Variants in BLM observed in about 807,000 individuals in gnomAD.
BLM encodes BLM RecQ like helicase.
In BLM, 95 loss-of-function variants were observed where a neutral mutation model predicts 135.3. The observed-to-expected ratio is 0.70, with a 90% CI of 0.59 to 0.83. BLM has a LOEUF of 0.83. BLM is among the 40% of genes least tolerant of loss of function. The pLI is 0.00. For missense variants in BLM, 1,518 were observed against 1,663.9 expected (o/e 0.91, Z 1.53); for synonymous variants, 520 against 589.2 (o/e 0.88, Z 1.70).
At chr15:90,729,699 C>T (rs772435008) in intron 1 of BLM, among the ~76,000 whole-genome samples, 5 of 152,178 alleles carry the variant, frequency 3.3e-5, no homozygotes, top group Non-Finnish European at 7.4e-5. Context: ...TTCCGTATGA[C>T]AGTAATTCAC....
chr15:90,773,223 C>G (rs1896374882), intron 12 of BLM, among the ~76,000 whole-genome samples: 1 of 151,944 alleles, frequency 6.6e-6, no homozygotes, highest in South Asian at 2.1e-4. Flanking sequence ...AGTTGAAGAC[C>G]AGCCTGGCCA....
At chr15:90,750,150 A>G in intron 3 of BLM, 83 bp downstream of exon 3, 6 of 1,440,454 alleles carry the variant, frequency 4.2e-6, no homozygotes, top group South Asian at 1.2e-5. Context: ...TCATGAATAT[A>G]TAGAGCTTTT....
At chr15:90,737,049 A>G (rs1157832048) in intron 1 of BLM, among the ~76,000 whole-genome samples, 1 of 151,692 alleles carries the variant, frequency 6.6e-6, no homozygotes, top group East Asian at 1.9e-4. Flanking sequence ...TCTAATTCAA[A>G]TGATGAATGT....
At position 90,769,158 on chromosome 15, in the gene BLM, C is replaced by G. The variant is rs139610577; in HGVS notation, c.2333C>G (p.Ser778Cys). The G allele has an allele frequency of 1.1e-4, 178 of 1,613,330 alleles. No homozygotes were observed. The Middle Eastern group carries it at 1.6e-3, about 15-fold the overall frequency. The change falls in exon 11 of 22, where the codon TCT becomes TGT. Residue 778 changes from serine to cysteine, a missense_variant. This residue lies in a region of BLM where 626 missense variants were observed against 681.1 expected (regional missense o/e 0.92). Transcript: ENST00000355112. Reference protein sequence around the residue: ...EKICASNRLISTLENLYERKL... With the variant: ...EKICASNRLICTLENLYERKL... ...ATCTGTGCAAGTAACAGACTCATTT[C>G]TACTCTGGAGAATCTCTATGAGAGG...
chr15:90,801,857 A>G (rs1897172243), intron 17 of BLM, among the ~76,000 whole-genome samples: 1 of 151,456 alleles, frequency 6.6e-6, no homozygotes, highest in African/African-American at 2.4e-5. Context: ...GGAGTTCAAG[A>G]TCAGCCTGAG....
intron 1 of BLM, among the ~76,000 whole-genome samples, chr15:90,725,052 G>C (rs1894873701): frequency 6.6e-6 from 1 of 152,122 alleles, no homozygotes; most frequent in African/African-American, 2.4e-5. Context: ...GGGGTTATAG[G>C]TGTGCACCAT....
In BLM at chr15:90,749,990, G is replaced by T; in HGVS notation, c.722G>T (p.Gly241Val). Reference sequence around the variant, plus strand: ...AGCGATGTGATTTGCATCGATGATGGCCCCATTGCTGAAGTGCATATAAAT... The same window carrying T: ...AGCGATGTGATTTGCATCGATGATGTCCCCATTGCTGAAGTGCATATAAAT... Reference protein sequence around the residue: ...LSSDVICIDDGPIAEVHINED... With the variant: ...LSSDVICIDDVPIAEVHINED... Residue 241 changes from glycine to valine, a missense_variant, in exon 3 of 22, where the codon GGC becomes GTC. Around this residue, in one of 5 missense-constraint regions of BLM, gnomAD observed 724 missense variants for 756.9 expected, o/e 0.96. Coordinates refer to ENST00000355112, the MANE Select transcript of BLM (RefSeq NM_000057.4). 1 of 1,614,210 alleles carries T rather than the reference G, an allele frequency of 6.2e-7. No homozygotes were observed. Among genetic ancestry groups the T allele is most frequent in the African/African-American group, 1.3e-5 (1 of 75,054 alleles).
intron 12 of BLM, among the ~76,000 whole-genome samples, chr15:90,772,254 T>A (rs942102639): frequency 5.9e-5 from 9 of 152,202 alleles, no homozygotes; most frequent in African/African-American, 2.2e-4. Context: ...ACAGCCCCTG[T>A]GCTGCTCTCC....
intron 15 of BLM, among the ~76,000 whole-genome samples, chr15:90,793,389 C>T (rs1234651778): frequency 6.6e-6 from 1 of 152,118 alleles, no homozygotes; most frequent in Non-Finnish European, 1.5e-5. Context: ...CCCACCTTGG[C>T]CTCCCAAAGT....
chr15:90,755,141 C>A, intron 5 of BLM: 1 of 599,814 alleles, frequency 1.7e-6, no homozygotes, highest in Non-Finnish European at 2.8e-6. Flanking sequence ...CTCACAAGGG[C>A]GTTCATTCCC....
Position 90,803,675 on chromosome 15 carries a change from G to C in BLM, c.3513G>C (p.Val1171=). 1 of 1,614,168 alleles carries C rather than the reference G, an allele frequency of 6.2e-7. No individual in the cohort carries two copies. The highest frequency in any genetic ancestry group is 1.1e-5 in the South Asian group (1 of 91,080). Reference sequence around the variant, plus strand: ...CCAATGACCAGGCGATCGCTTATGTGATGCTCGGAAATAAAGCCCAAACTG... The same window carrying C: ...CCAATGACCAGGCGATCGCTTATGTCATGCTCGGAAATAAAGCCCAAACTG... ...INANDQAIAY[V]MLGNKAQTVL... Residue 1171 remains valine (V), a synonymous_variant, in exon 18 of 22, where the codon GTG becomes GTC. Transcript: ENST00000355112.
intron 4 of BLM, among the ~76,000 whole-genome samples, chr15:90,753,803 T>G (rs1201164579): frequency 6.6e-6 from 1 of 152,190 alleles, no homozygotes; most frequent in African/African-American, 2.4e-5. Flanking sequence ...GCCCTCAAGA[T>G]TCTCCATCTT....
rs1002426521 is a variant in BLM at position 90,776,512 on chromosome 15, A to G, written c.2556-6310A>G. 2.0e-5 allele frequency among the ~76,000 whole-genome samples: 3 copies of G among 152,168 alleles called. No homozygotes were observed. The East Asian group carries it at 5.8e-4, about 29-fold the overall frequency. ...TTTTATTGTGTGATACGCTTTTCTA[A>G]TAACTTTTTTGTTGTTGTTTTTTGA... On this transcript the variant is annotated intron_variant, in intron 12 of 21. Transcript: ENST00000355112.
At chr15:90,756,361 C>T (rs903101923) in intron 5 of BLM, among the ~76,000 whole-genome samples, 2 of 152,164 alleles carry the variant, frequency 1.3e-5, no homozygotes, top group African/African-American at 4.8e-5. Flanking sequence ...CCTCGGCCCC[C>T]CAAAGTGCTG....
At chr15:90,811,801 G>A (rs759168773) in intron 21 of BLM, among the ~76,000 whole-genome samples, 1 of 127,998 alleles carries the variant, frequency 7.8e-6, no homozygotes, top group South Asian at 2.4e-4. Flanking sequence ...GGGACTCCAG[G>A]TGTATACCAT....
At position 90,795,395 on chromosome 15, in the gene BLM, G is replaced by A. The variant is rs530647126; in HGVS notation, c.3210+1038G>A. Among the ~76,000 whole-genome samples, 17 of 152,220 alleles carry A rather than the reference G, an allele frequency of 1.1e-4. No homozygotes were observed. The South Asian group carries it at 3.3e-3, about 30-fold the overall frequency. On this transcript the variant is annotated intron_variant, in intron 16 of 21. Transcript: ENST00000355112. ...CTTGGGAAGCTGAGGCAGGAGAATC[G>A]CTTGAACCTGGTAGGTGGAGGCTGC...
chr15:90,730,272 C>G (rs1895032016), intron 1 of BLM, among the ~76,000 whole-genome samples: 1 of 152,098 alleles, frequency 6.6e-6, no homozygotes, highest in Non-Finnish European at 1.5e-5. Flanking sequence ...ATTTATTGTT[C>G]ATGATCTACT....
chr15:90,748,186 G>A (rs1205410492), intron 2 of BLM, among the ~76,000 whole-genome samples: 4 of 149,254 alleles, frequency 2.7e-5, no homozygotes, highest in African/African-American at 7.5e-5. Flanking sequence ...TTAGCTCACC[G>A]CAACCTCCGT....
chr15:90,807,082 T>G (rs531910436), intron 19 of BLM, among the ~76,000 whole-genome samples: 3 of 152,334 alleles, frequency 2.0e-5, no homozygotes, highest in African/African-American at 7.2e-5. Flanking sequence ...GAGTCGTCCA[T>G]GTCTTTGTTT....
Sources: gnomAD v4.1 joint callset for allele counts (sites outside exome capture counted in the v4.1 genomes callset) on GRCh38, gnomAD v4.1.1 for gene constraint, gnomAD v4.1.1 regional missense constraint, MANE v1.5 for transcripts, NCBI Gene and HGNC (gene_info 2026-07-23, HGNC 2026-07-21) for gene names.